The following RECQL5 variants were observed in gnomAD, a reference collection of about 807,000 sequenced individuals.
RECQL5 encodes ATP-dependent DNA helicase Q5.
RECQL5 carries 88 observed loss-of-function variants against 103.4 expected under a neutral mutation model. That is an observed-to-expected ratio of 0.85 (90% CI 0.72 to 1.02). The LOEUF is 1.02. Ranked by LOEUF, RECQL5 falls within the 50% of genes least tolerant of loss-of-function variation. RECQL5 has a pLI of 0.00. For synonymous variants in RECQL5, 552 were observed against 507.9 expected (o/e 1.09, Z -1.17); for missense variants, 1,232 against 1,284.3 (o/e 0.96, Z 0.62).
intron 8 of RECQL5, among the ~76,000 whole-genome samples, chr17:75,643,440 C>T (rs1307299205): frequency 6.6e-6 from 1 of 152,238 alleles, no homozygotes; most frequent in East Asian, 1.9e-4. Flanking sequence ...GGTCCCTGCC[C>T]TCACAGGACT....
At chr17:75,632,508 G>A (rs935487862) in intron 8 of RECQL5, among the ~76,000 whole-genome samples, 1 of 152,252 alleles carries the variant, frequency 6.6e-6, no homozygotes, top group Admixed American at 6.5e-5. Flanking sequence ...TCATCAACCC[G>A]TGAGGGTGTC....
At chr17:75,634,370 C>G (rs978493890) in intron 8 of RECQL5, 7 of 513,258 alleles carry the variant, frequency 1.4e-5, no homozygotes, top group African/African-American at 1.0e-4. Context: ...CACACCTGCA[C>G]TCTCCCTGCT....
At chr17:75,649,081 GAATA>G (rs922045406) in intron 8 of RECQL5, 1 of 152,120 alleles carries the variant, frequency 6.6e-6, no homozygotes, top group Non-Finnish European at 1.5e-5. Flanking sequence ...TTTATCAGCT[GAATA>G]AATGAATGAA....
chr17:75,631,343 A>G (rs2059209475), intron 9 of RECQL5, 94 bp from the exon 10 acceptor site: 3 of 1,530,988 alleles, frequency 2.0e-6, no homozygotes, highest in Admixed American at 3.4e-5. Flanking sequence ...ATGTCCTACC[A>G]GCTCAAGGGG....
At chr17:75,643,928 G>C (rs1436342120) in intron 8 of RECQL5, among the ~76,000 whole-genome samples, 1 of 152,232 alleles carries the variant, frequency 6.6e-6, no homozygotes, top group African/African-American at 2.4e-5. Flanking sequence ...CCACAGGGCA[G>C]GCTGCTCTCG....
chr17:75,657,627 A>C (rs2059641149), intron 7 of RECQL5, among the ~76,000 whole-genome samples: 2 of 151,744 alleles, frequency 1.3e-5, no homozygotes, highest in African/African-American at 4.8e-5. Flanking sequence ...GGTGGCACAC[A>C]CCTGTGGTCC....
intron 8 of RECQL5, chr17:75,647,441 A>AG (rs1267161011): frequency 1.2e-5 from 19 of 1,550,044 alleles, no homozygotes; most frequent in Middle Eastern, 2.1e-4. Context: ...CCCTGGGACC[A>AG]GGGGGGCCTG....
intron 8 of RECQL5, chr17:75,647,380 G>T: frequency 6.5e-7 from 1 of 1,548,344 alleles, no homozygotes; most frequent in Non-Finnish European, 8.7e-7. Flanking sequence ...GATTCTCATG[G>T]ACCAACTGGT....
chr17:75,664,099 A>G (rs820158), intron 3 of RECQL5, among the ~76,000 whole-genome samples: 46,980 of 150,516 alleles, frequency 0.31, 7,854 homozygotes, highest in East Asian at 0.54. Context: ...ATGTATGTAA[A>G]GCACTTAGCA....
intron 6 of RECQL5, among the ~76,000 whole-genome samples, chr17:75,659,619 G>A (rs1211227870): frequency 2.0e-5 from 3 of 152,120 alleles, no homozygotes; most frequent in Non-Finnish European, 4.4e-5. Context: ...CTCCCAAAGT[G>A]CTGGAATTAT....
intron 8 of RECQL5, among the ~76,000 whole-genome samples, chr17:75,643,302 T>A (rs1206143379): frequency 6.6e-6 from 1 of 152,222 alleles, no homozygotes; most frequent in Admixed American, 6.5e-5. Flanking sequence ...AGGCCCTTTG[T>A]TAGAAAATAT....
Position 75,629,289 on chromosome 17 carries a change from G to T in RECQL5, c.2134C>A (p.Pro712Thr). 1 of 1,592,136 alleles carries T rather than the reference G, an allele frequency of 6.3e-7. No homozygotes were observed. Among genetic ancestry groups the T allele is most frequent in the Non-Finnish European group, 8.6e-7 (1 of 1,166,962 alleles). Reference sequence around the variant, plus strand: ...CTGCCTCCAGGGACCTCCCCTCTGGGCCCAGGGAGGGGCTCACTCCCATCC... The same window carrying T: ...CTGCCTCCAGGGACCTCCCCTCTGGTCCCAGGGAGGGGCTCACTCCCATCC... ...DEDGSEPLPG[P>T]RGEVPGGSAH... is the part of the protein sequence containing the mutation. The change falls in exon 16 of 20, where the codon CCC becomes ACC. Residue 712 changes from proline to threonine, a missense_variant. Pro to Thr is a conservative substitution (Grantham distance 38). Coordinates refer to ENST00000317905, the MANE Select transcript of RECQL5 (RefSeq NM_004259.7).
rs1462717685 is a variant in RECQL5, at chr17:75,631,521, C to T, written c.1377G>A (p.Gly459=). ...GGTCAAAGCCGTTCCCCTGGGAGGG[C>T]CCGATGCAGGTCTTGCTCCAGCTGC... ...RSSSWSKTCI[G]PSQGNGFDPE... Residue 459 remains glycine (G), a synonymous_variant, in exon 9 of 20, where the codon GGG becomes GGA. Coordinates refer to ENST00000317905, the MANE Select transcript of RECQL5 (RefSeq NM_004259.7). 1 of 1,613,296 alleles carries T rather than the reference C, an allele frequency of 6.2e-7. No homozygotes were observed. Among genetic ancestry groups the T allele is most frequent in the East Asian group, 2.2e-5 (1 of 44,888 alleles).
intron 1 of RECQL5, 162 bp downstream of exon 1, chr17:75,666,881 GT>G: frequency 3.6e-6 from 1 of 275,398 alleles, no homozygotes; most frequent in Non-Finnish European, 6.9e-6. Context: ...ACGGGGAACC[GT>G]TTTCCTAAGA....
chr17:75,666,684 T>C (rs2059789108), intron 1 of RECQL5, 113 bp from the exon 2 acceptor site: 7 of 1,034,206 alleles, frequency 6.8e-6, no homozygotes, highest in Non-Finnish European at 9.7e-6. Context: ...ACTTAAATAA[T>C]GTATTATTTT....
At chr17:75,653,728 T>A in intron 7 of RECQL5, among the ~76,000 whole-genome samples, 1 of 151,998 alleles carries the variant, frequency 6.6e-6, no homozygotes, top group South Asian at 2.1e-4. Flanking sequence ...GTGAAACCTG[T>A]CTCTACTAAA....
Position 75,628,919 on chromosome 17 carries a change from T to C in RECQL5, c.2489+15A>G, listed in dbSNP as rs775774697. 7 of 1,580,978 alleles carry C rather than the reference T, an allele frequency of 4.4e-6. No homozygotes were observed. Among genetic ancestry groups the C allele is most frequent in the Non-Finnish European group, 6.0e-6 (7 of 1,171,296 alleles). On this transcript the variant is annotated intron_variant, in intron 16 of 19. Coordinates refer to ENST00000317905, the MANE Select transcript of RECQL5 (RefSeq NM_004259.7). ...TGTAGGTTCCAGAAGATTCTATGACTACCTGTACCCTTACCTTGGCCTCTC... is the reference window on the plus strand; with the variant it reads ...TGTAGGTTCCAGAAGATTCTATGACCACCTGTACCCTTACCTTGGCCTCTC...
At chr17:75,644,034 T>C (rs1339738122) in intron 8 of RECQL5, among the ~76,000 whole-genome samples, 1 of 152,230 alleles carries the variant, frequency 6.6e-6, no homozygotes, top group Non-Finnish European at 1.5e-5. Flanking sequence ...ATGGGCGTGG[T>C]GACTCCTGCC....
At chr17:75,653,101 A>G (rs1452328302) in intron 7 of RECQL5, among the ~76,000 whole-genome samples, 2 of 152,180 alleles carry the variant, frequency 1.3e-5, no homozygotes, top group Non-Finnish European at 2.9e-5. Flanking sequence ...TCCCTGCCAC[A>G]TCCTCAATCC....
Sources: allele counts gnomAD v4.1 joint callset (sites outside exome capture counted in the v4.1 genomes callset), GRCh38; gene constraint gnomAD v4.1.1; transcripts MANE v1.5; gene names NCBI Gene and HGNC (gene_info 2026-07-23, HGNC 2026-07-21).